Variants in CCSER1 observed in about 807,000 individuals in gnomAD.
CCSER1 encodes coiled-coil serine rich protein 1.
CCSER1 carries 41 observed loss-of-function variants against 82.0 expected under a neutral mutation model. The observed-to-expected ratio is 0.50, with a 90% confidence interval of 0.39 to 0.65. The LOEUF is 0.65. Among genes scored for constraint, CCSER1 ranks in the 30% least tolerant of loss-of-function variants. The pLI, the probability that CCSER1 is intolerant of heterozygous loss-of-function variation, is 0.00. For missense variants in CCSER1, 1,119 were observed against 1,064.2 expected (o/e 1.05, Z -0.72); for synonymous variants, 414 against 383.9 (o/e 1.08, Z -0.92).
chr4:90,611,555 A>AT (rs577898626), intron 5 of CCSER1, among the ~76,000 whole-genome samples: 4,194 of 145,208 alleles, frequency 0.029, 109 homozygotes, highest in African/African-American at 0.067. Flanking sequence ...ACTGAAACAC[A>AT]TTTTTTTTTT....
At chr4:90,540,812 T>C (rs950432575) in intron 5 of CCSER1, among the ~76,000 whole-genome samples, 3 of 152,062 alleles carry the variant, frequency 2.0e-5, no homozygotes, top group Non-Finnish European at 4.4e-5. Context: ...AGTTTCCATA[T>C]ATGTAAAGCA....
intron 10 of CCSER1, among the ~76,000 whole-genome samples, chr4:91,503,250 G>C (rs1388884052): frequency 1.3e-5 from 2 of 151,562 alleles, no homozygotes; most frequent in African/African-American, 4.8e-5. Context: ...GCTGAGGCAG[G>C]AGAATGGAGT....
chr4:90,245,617 T>C (rs150751651), intron 1 of CCSER1, among the ~76,000 whole-genome samples: 76 of 152,264 alleles, frequency 5.0e-4, no homozygotes, highest in African/African-American at 1.6e-3. Flanking sequence ...AGGTAACCTT[T>C]ATGTTATATT....
chr4:90,254,757 A>T (rs60666775), intron 1 of CCSER1, among the ~76,000 whole-genome samples: 1 of 152,004 alleles, frequency 6.6e-6, no homozygotes, highest in African/African-American at 2.4e-5. Context: ...CATGCCATAG[A>T]CTGTCACTTA....
chr4:90,984,499 C>A lies in CCSER1; in HGVS notation c.2172+61052C>A, dbSNP rs528954089. On this transcript the variant is annotated intron_variant, in intron 9 of 10. Transcript: ENST00000509176. ...AAGATGGCTATAATTACAAAGAAGA[C>A]AACTTCACACCTTGAAAGCATGGGA... 2.6e-4 allele frequency among the ~76,000 whole-genome samples: 39 copies of A among 151,776 alleles called. No homozygotes were observed. In the South Asian group the frequency reaches 7.7e-3, roughly 30 times the overall value.
intron 1 of CCSER1, among the ~76,000 whole-genome samples, chr4:90,275,705 T>C (rs923256840): frequency 6.6e-6 from 1 of 152,176 alleles, no homozygotes; most frequent in Admixed American, 6.6e-5. Flanking sequence ...TTAGAAAAGT[T>C]TTGAATACAG....
At chr4:90,638,973 T>C (rs1725974037) in intron 6 of CCSER1, among the ~76,000 whole-genome samples, 1 of 152,094 alleles carries the variant, frequency 6.6e-6, no homozygotes, top group Non-Finnish European at 1.5e-5. Context: ...TCATATGTAA[T>C]ATTAATAACT....
chr4:91,437,204 G>T (rs750150350), intron 10 of CCSER1, among the ~76,000 whole-genome samples: 6 of 152,146 alleles, frequency 3.9e-5, no homozygotes, highest in African/African-American at 1.2e-4. Flanking sequence ...TATTTTTGGT[G>T]CATATCTAAA....
intron 1 of CCSER1, among the ~76,000 whole-genome samples, chr4:90,139,126 T>C (rs534756332): frequency 3.3e-5 from 5 of 152,166 alleles, no homozygotes; most frequent in African/African-American, 1.2e-4. Context: ...TTTCCAGATC[T>C]CCAACCTGCC....
chr4:90,439,376 A>G (rs1759527399), intron 4 of CCSER1, among the ~76,000 whole-genome samples: 1 of 152,204 alleles, frequency 6.6e-6, no homozygotes, highest in African/African-American at 2.4e-5. Flanking sequence ...TTATTTCTAT[A>G]TCATTTAGGT....
chr4:90,870,840 G>T, intron 8 of CCSER1, among the ~76,000 whole-genome samples: 1 of 144,658 alleles, frequency 6.9e-6, no homozygotes, highest in Non-Finnish European at 1.5e-5. Flanking sequence ...TTTTTACCGG[G>T]AGACTATTTA....
At chr4:90,795,226 G>T (rs984867098) in intron 7 of CCSER1, among the ~76,000 whole-genome samples, 3 of 150,970 alleles carry the variant, frequency 2.0e-5, no homozygotes, top group Admixed American at 6.6e-5. Flanking sequence ...AGCAGAGGTT[G>T]CAGTGAGCCG....
intron 10 of CCSER1, among the ~76,000 whole-genome samples, chr4:91,382,062 C>T (rs774480189): frequency 9.2e-5 from 14 of 152,214 alleles, no homozygotes; most frequent in Middle Eastern, 3.4e-3. Context: ...TGGAGGCTGC[C>T]GAACAGTGGA....
At chr4:91,099,113 G>C (rs1449815615) in intron 10 of CCSER1, among the ~76,000 whole-genome samples, 1 of 152,026 alleles carries the variant, frequency 6.6e-6, no homozygotes, top group African/African-American at 2.4e-5. Flanking sequence ...TGCAAAACTT[G>C]CTTCTACTTG....
intron 10 of CCSER1, among the ~76,000 whole-genome samples, chr4:91,293,210 C>T (rs1327844646): frequency 6.6e-6 from 1 of 151,970 alleles, no homozygotes; most frequent in African/African-American, 2.4e-5. Flanking sequence ...GCACCATCCA[C>T]TACAACCCTT....
At chr4:90,415,669 G>C (rs1755679938) in intron 4 of CCSER1, among the ~76,000 whole-genome samples, 2 of 152,040 alleles carry the variant, frequency 1.3e-5, no homozygotes, top group South Asian at 2.1e-4. Context: ...TAAGAATTTG[G>C]GTTTGTGTTT....
At chr4:90,508,572 A>G (rs9307087) in intron 5 of CCSER1, among the ~76,000 whole-genome samples, 6,277 of 152,068 alleles carry the variant, frequency 0.041, 313 homozygotes, top group African/African-American at 0.12. Flanking sequence ...AAGTGATTCC[A>G]TATGTCCTCC....
In CCSER1 at chr4:91,050,996, AGC is replaced by A. The variant is rs1434571947; in HGVS notation, c.2173-34953_2173-34952del. The stretch of plus-strand genomic sequence containing the variant: ...TTTTCCTTGACTGTTGATATTCTCT[AGC>A]TCTGTGCTTTTTTGGAATTTCATGC... On this transcript the variant is annotated intron_variant, in intron 9 of 10. Coordinates refer to ENST00000509176, the MANE Select transcript of CCSER1 (RefSeq NM_001145065.2). Among the ~76,000 whole-genome samples, 4 of 152,134 alleles carry A rather than the reference AGC, an allele frequency of 2.6e-5. No homozygotes were observed. The East Asian group carries it at 7.7e-4, about 29-fold the overall frequency.
intron 10 of CCSER1, among the ~76,000 whole-genome samples, chr4:91,317,812 G>A (rs991716353): frequency 6.6e-6 from 1 of 151,890 alleles, no homozygotes; most frequent in Admixed American, 6.6e-5. Context: ...GATTGAGAAG[G>A]TTTCAGTCAG....
Sources: allele counts gnomAD v4.1 joint callset (sites outside exome capture counted in the v4.1 genomes callset), GRCh38; gene constraint gnomAD v4.1.1; transcripts MANE v1.5; gene names NCBI Gene and HGNC (gene_info 2026-07-23, HGNC 2026-07-21).